The following TRAPPC9 variants were observed in gnomAD, a reference collection of about 807,000 sequenced individuals.
TRAPPC9 encodes the protein IKK2 binding protein.
TRAPPC9 carries 83 observed loss-of-function variants against 124.0 expected under a neutral mutation model. That is an observed-to-expected ratio of 0.67 (90% CI 0.56 to 0.80). TRAPPC9 has a LOEUF of 0.80. TRAPPC9 is among the 30% of genes least tolerant of loss of function. The pLI is 0.00. For synonymous variants in TRAPPC9, 638 were observed against 617.5 expected (o/e 1.03, Z -0.49); for missense variants, 1,302 against 1,508.3 (o/e 0.86, Z 2.27).
chr8:140,215,256 C>T (rs945289955), intron 17 of TRAPPC9, among the ~76,000 whole-genome samples: 1 of 152,172 alleles, frequency 6.6e-6, no homozygotes, highest in South Asian at 2.1e-4. Flanking sequence ...GGTGGCACAG[C>T]ACCTTTACCT....
intron 9 of TRAPPC9, among the ~76,000 whole-genome samples, chr8:140,358,618 G>A (rs2067828298): frequency 2.6e-5 from 4 of 152,368 alleles, no homozygotes; most frequent in Admixed American, 2.0e-4. Context: ...GCAGTGGGTG[G>A]AGGGCTGGAG....
intron 17 of TRAPPC9, among the ~76,000 whole-genome samples, chr8:140,088,662 C>T (rs1301239338): frequency 6.6e-6 from 1 of 152,158 alleles, no homozygotes. Context: ...TACAGTTGAA[C>T]AATACAACTA....
At position 139,785,206 on chromosome 8, in the gene TRAPPC9, A is replaced by G. The variant is rs547801089; in HGVS notation, c.3056-53004T>C. ...CTGTCTTTTCAACAAATGAGGCTGG[A>G]ACAACTGAATACACACTCGCTAAAA... On this transcript the variant is annotated intron_variant, in intron 21 of 22. Coordinates refer to ENST00000438773, the MANE Select transcript of TRAPPC9 (RefSeq NM_001160372.4). Among the ~76,000 whole-genome samples the G allele has an allele frequency of 3.9e-5, 6 of 152,360 alleles. No homozygotes were observed. The South Asian group carries it at 1.2e-3, about 32-fold the overall frequency.
rs192585023 is a variant in TRAPPC9 at position 140,397,645 on chromosome 8, T to C, written c.1109A>G (p.Asn370Ser). Reference sequence around the variant, plus strand: ...CTGTCGAAGGTTAATGTAAACTGCATTCTGAAGAAATTCTGATGCTTCCAT... The same window carrying C: ...CTGTCGAAGGTTAATGTAAACTGCACTCTGAAGAAATTCTGATGCTTCCAT... ...RSMEASEFLQNAVYINLRQLS... is the reference protein window; with the variant it reads ...RSMEASEFLQSAVYINLRQLS... The change falls in exon 7 of 23, where the codon AAT becomes AGT. Residue 370 changes from asparagine (N) to serine (S), a missense_variant. Coordinates refer to ENST00000438773, the MANE Select transcript of TRAPPC9 (RefSeq NM_001160372.4). 11 of 1,614,184 alleles carry C rather than the reference T, an allele frequency of 6.8e-6. No homozygotes were observed. In the East Asian group the frequency reaches 2.5e-4, roughly 36 times the overall value.
At chr8:139,974,857 T>A (rs1169221769) in intron 19 of TRAPPC9, among the ~76,000 whole-genome samples, 1 of 152,064 alleles carries the variant, frequency 6.6e-6, no homozygotes, top group Non-Finnish European at 1.5e-5. Context: ...AGCCTCCGGC[T>A]GCCTCTCCCT....
chr8:140,146,839 T>C (rs2061470365), intron 17 of TRAPPC9, among the ~76,000 whole-genome samples: 1 of 139,830 alleles, frequency 7.2e-6, no homozygotes, highest in Non-Finnish European at 1.5e-5. Context: ...AGTTACTTAA[T>C]ATCTATGAGC....
Position 140,443,182 on chromosome 8 carries a change from T to G in TRAPPC9, c.585-3985A>C, listed in dbSNP as rs545547616. On this transcript the variant is annotated intron_variant, in intron 2 of 22. Transcript: ENST00000438773. ...CAGGCGCGGTGGCTCACACCTGTAA[T>G]CCCAGCACTTTGGGAGGCCAAGGCG... 2.4e-3 allele frequency among the ~76,000 whole-genome samples: 298 copies of G among 126,664 alleles called. 6 individuals carry two copies. The highest frequency in any genetic ancestry group is 6.3e-4 in the Non-Finnish European group (39 of 61,782). The allele number at this position is 126,664 out of a possible 152,430, so 83.1% of individuals were successfully genotyped here.
intron 21 of TRAPPC9, among the ~76,000 whole-genome samples, chr8:139,852,974 C>T (rs1000048093): frequency 4.6e-5 from 7 of 152,214 alleles, no homozygotes; most frequent in Admixed American, 2.0e-4. Flanking sequence ...CTGGGTCAGC[C>T]GCTGACCAAG....
chr8:139,994,345 G>A (rs1358442846), intron 18 of TRAPPC9, among the ~76,000 whole-genome samples: 1 of 152,248 alleles, frequency 6.6e-6, no homozygotes. Flanking sequence ...AGGCACAGAA[G>A]AGGAAATAAT....
At chr8:139,775,718 C>A (rs1821312004) in intron 21 of TRAPPC9, among the ~76,000 whole-genome samples, 1 of 152,234 alleles carries the variant, frequency 6.6e-6, no homozygotes, top group Non-Finnish European at 1.5e-5. Flanking sequence ...ATCCCCCTAG[C>A]TGGCCACTTC....
intron 15 of TRAPPC9, among the ~76,000 whole-genome samples, chr8:140,266,868 C>CA (rs199891725): frequency 0.027 from 4,121 of 150,676 alleles, 72 homozygotes; most frequent in African/African-American, 0.036. Context: ...TCAACAACAA[C>CA]AAAAAAAAAC....
chr8:140,333,681 G>A (rs536491104), intron 9 of TRAPPC9, among the ~76,000 whole-genome samples: 40 of 152,256 alleles, frequency 2.6e-4, no homozygotes, highest in Non-Finnish European at 3.8e-4. Flanking sequence ...GTAAGCCACC[G>A]CGCCTGGCCA....
intron 21 of TRAPPC9, among the ~76,000 whole-genome samples, chr8:139,739,067 C>T (rs906188340): frequency 2.0e-5 from 3 of 152,198 alleles, no homozygotes; most frequent in African/African-American, 4.8e-5. Context: ...ACTGGAGAGG[C>T]CCTGAGCCTC....
At chr8:140,153,899 A>G (rs2061588571) in intron 17 of TRAPPC9, among the ~76,000 whole-genome samples, 1 of 152,122 alleles carries the variant, frequency 6.6e-6, no homozygotes, top group Non-Finnish European at 1.5e-5. Flanking sequence ...TGGCACCCAG[A>G]GCTCATTCAA....
At position 140,077,912 on chromosome 8, in the gene TRAPPC9, G is replaced by A. The variant is rs77088905; in HGVS notation, c.2557-53833C>T. ...ATAGAAAAGTCCAGCATGGACAATCGTGATGTTTCTTATGGAAAAACATGA... is the reference window on the plus strand; with the variant it reads ...ATAGAAAAGTCCAGCATGGACAATCATGATGTTTCTTATGGAAAAACATGA... On this transcript the variant is annotated intron_variant, in intron 17 of 22. Transcript: ENST00000438773. Among the ~76,000 whole-genome samples, 361 of 152,268 alleles carry A rather than the reference G, an allele frequency of 2.4e-3. 3 individuals carry two copies. The East Asian group carries it at 0.029, about 12-fold the overall frequency.
chr8:140,390,643 G>C (rs947881379), intron 7 of TRAPPC9, among the ~76,000 whole-genome samples: 2 of 152,168 alleles, frequency 1.3e-5, no homozygotes, highest in African/African-American at 4.8e-5. Flanking sequence ...GGGCATCAGA[G>C]GCCCACCTGG....
chr8:140,171,268 C>A (rs1587851402), intron 17 of TRAPPC9, among the ~76,000 whole-genome samples: 2 of 152,232 alleles, frequency 1.3e-5, no homozygotes, highest in South Asian at 4.1e-4. Flanking sequence ...AAATACCTAT[C>A]TCACTATAGA....
intron 19 of TRAPPC9, among the ~76,000 whole-genome samples, chr8:139,976,642 G>A (rs1246176708): frequency 6.6e-6 from 1 of 152,238 alleles, no homozygotes; most frequent in Non-Finnish European, 1.5e-5. Context: ...CGGCTCGTGA[G>A]GAGCTGAGAA....
chr8:140,261,368 T>C (rs981480494), intron 15 of TRAPPC9, among the ~76,000 whole-genome samples: 1 of 152,162 alleles, frequency 6.6e-6, no homozygotes, highest in Non-Finnish European at 1.5e-5. Flanking sequence ...TTGTCTCTGA[T>C]TGTAGGAAGA....
Sources: gnomAD v4.1 joint callset for allele counts (sites outside exome capture counted in the v4.1 genomes callset) on GRCh38, gnomAD v4.1.1 for gene constraint, MANE v1.5 for transcripts, NCBI Gene and HGNC (gene_info 2026-07-23, HGNC 2026-07-21) for gene names.